The following SNX27 variants were observed in gnomAD, a reference collection of about 807,000 sequenced individuals.
SNX27 encodes the protein sorting nexin-27.
A neutral mutation model predicts 71.6 loss-of-function variants in SNX27; 22 were observed. That is an observed-to-expected ratio of 0.31 (90% CI 0.22 to 0.44). The LOEUF is 0.44. SNX27 is among the 20% of genes least tolerant of loss of function. The probability of loss-of-function intolerance (pLI) is 1.00; values close to 1 mark genes in which losing one functional copy is unlikely to be tolerated. For missense variants in SNX27, 531 were observed against 698.6 expected (o/e 0.76, Z 2.70); for synonymous variants, 269 against 277.2 (o/e 0.97, Z 0.29).
At chr1:151,635,729 AC>A (rs1265655864) in intron 1 of SNX27, among the ~76,000 whole-genome samples, 1 of 152,158 alleles carries the variant, frequency 6.6e-6, no homozygotes, top group Admixed American at 6.6e-5. Context: ...CTATAGTTGA[AC>A]CAGATAAATA....
intron 5 of SNX27, among the ~76,000 whole-genome samples, chr1:151,663,126 TA>T (rs1457503693): frequency 6.6e-6 from 1 of 152,004 alleles, no homozygotes; most frequent in African/African-American, 2.4e-5. Flanking sequence ...AATCTGAATC[TA>T]AACAAGGTCC....
In SNX27 at chr1:151,623,308, T is replaced by A. The variant is rs183995227; in HGVS notation, c.311+10796T>A. Among the ~76,000 whole-genome samples the A allele has an allele frequency of 2.6e-3, 401 of 152,268 alleles. 2 individuals carry two copies. The highest frequency in any genetic ancestry group is 9.5e-3 in the African/African-American group (393 of 41,564). On this transcript the variant is annotated intron_variant, in intron 1 of 11. Coordinates refer to ENST00000458013, the MANE Select transcript of SNX27 (RefSeq NM_001330723.2). ...GGTGCGGGCCACCATACTTGGCTAA[T>A]TTTTTGTATTTTTAGTAGAGACGGG...
rs374312634 is a variant in SNX27, at chr1:151,660,924, T to G, written c.801+62T>G. The G allele has an allele frequency of 4.0e-6, 5 of 1,257,426 alleles. No individual in the cohort carries two copies. The African/African-American group carries it at 5.9e-5, about 15-fold the overall frequency. 77.9% of individuals were successfully genotyped at this position (1,257,426 alleles called of 1,614,324 possible). ...TGGCTCCTTGTGGGGGAAAATAAGT[T>G]AAAGGTATTGATTATGCATTAAATT... On this transcript the variant is annotated intron_variant, in intron 4 of 11. Transcript: ENST00000458013.
At chr1:151,692,676 A>G (rs1011980230) in intron 9 of SNX27, 92 bp downstream of exon 9, 12 of 1,536,510 alleles carry the variant, frequency 7.8e-6, no homozygotes, top group Non-Finnish European at 1.1e-5. Context: ...TTAGGGGGAA[A>G]TGAAATCAAA....
chr1:151,637,048 A>G (rs995009179), intron 1 of SNX27, among the ~76,000 whole-genome samples: 9 of 152,132 alleles, frequency 5.9e-5, no homozygotes, highest in African/African-American at 1.9e-4. Context: ...GTCAAGACCA[A>G]TTCTGGTACT....
intron 8 of SNX27, among the ~76,000 whole-genome samples, chr1:151,687,959 AAC>A (rs1410304411): frequency 3.7e-5 from 5 of 136,320 alleles, no homozygotes; most frequent in Non-Finnish European, 7.9e-5. Context: ...AAAAAAAAAA[AAC>A]AACGAAAAAC....
intron 7 of SNX27, chr1:151,675,835 T>C (rs1670671350): frequency 8.8e-6 from 1 of 113,292 alleles, no homozygotes; most frequent in Non-Finnish European, 1.8e-5. Flanking sequence ...TTTTTTTTTT[T>C]TTTTTTTTTT....
At chr1:151,664,896 T>C (rs1670119857) in intron 5 of SNX27, among the ~76,000 whole-genome samples, 1 of 152,174 alleles carries the variant, frequency 6.6e-6, no homozygotes, top group African/African-American at 2.4e-5. Context: ...CTGAGACTTC[T>C]AGCTATAAAC....
intron 1 of SNX27, among the ~76,000 whole-genome samples, chr1:151,630,043 G>A (rs1407949915): frequency 1.3e-5 from 2 of 150,866 alleles, no homozygotes; most frequent in South Asian, 2.1e-4. Context: ...CCCGGGAGGC[G>A]AAGGTTGTAG....
intron 1 of SNX27, among the ~76,000 whole-genome samples, chr1:151,628,659 C>T (rs968830968): frequency 6.6e-6 from 1 of 152,082 alleles, no homozygotes; most frequent in Non-Finnish European, 1.5e-5. Context: ...TTGGTATTAC[C>T]AGGTTTTTTG....
intron 1 of SNX27, among the ~76,000 whole-genome samples, chr1:151,616,491 A>G (rs1010730436): frequency 6.6e-6 from 1 of 152,206 alleles, no homozygotes; most frequent in Admixed American, 6.5e-5. Context: ...ACTTTCCCTC[A>G]TTAAAGTCAT....
At chr1:151,668,412 T>G in intron 6 of SNX27, 60 bp from the exon 7 acceptor site, 1 of 1,490,856 alleles carries the variant, frequency 6.7e-7, no homozygotes, top group Non-Finnish European at 9.1e-7. Context: ...ACATAGTTTA[T>G]ACTAGGGAAG....
chr1:151,622,433 G>A (rs1481095850), intron 1 of SNX27, among the ~76,000 whole-genome samples: 8 of 152,166 alleles, frequency 5.3e-5, no homozygotes, highest in African/African-American at 1.9e-4. Context: ...ATTACATTAT[G>A]TAGTAATTCA....
intron 8 of SNX27, among the ~76,000 whole-genome samples, chr1:151,689,968 C>A (rs1376287238): frequency 1.3e-5 from 2 of 152,060 alleles, no homozygotes; most frequent in Non-Finnish European, 2.9e-5. Context: ...TCTGCCTCAG[C>A]CTCTCATGTA....
intron 2 of SNX27, among the ~76,000 whole-genome samples, chr1:151,640,385 A>G (rs939868654): frequency 2.0e-5 from 3 of 152,048 alleles, no homozygotes; most frequent in Admixed American, 6.6e-5. Flanking sequence ...TTTTTATTAT[A>G]TATATTTTTT....
At chr1:151,633,939 C>A (rs1327832892) in intron 1 of SNX27, among the ~76,000 whole-genome samples, 2 of 149,432 alleles carry the variant, frequency 1.3e-5, no homozygotes, top group East Asian at 1.9e-4. Flanking sequence ...GGTGGACATT[C>A]AACTACAGTT....
chr1:151,622,582 A>G (rs1161749885), intron 1 of SNX27, among the ~76,000 whole-genome samples: 2 of 152,224 alleles, frequency 1.3e-5, no homozygotes, highest in African/African-American at 4.8e-5. Context: ...CAGTATACCA[A>G]GTTAAAATCA....
At chr1:151,668,217 A>G (rs902364431) in intron 6 of SNX27, among the ~76,000 whole-genome samples, 10 of 152,188 alleles carry the variant, frequency 6.6e-5, no homozygotes, top group Admixed American at 4.6e-4. Flanking sequence ...CAAATATCCA[A>G]ACCACGGCAC....
At chr1:151,673,705 G>A (rs1376491774) in intron 7 of SNX27, among the ~76,000 whole-genome samples, 1 of 152,064 alleles carries the variant, frequency 6.6e-6, no homozygotes, top group African/African-American at 2.4e-5. Context: ...TTAAATATAT[G>A]TCAGGGTGCT....
Sources: gnomAD v4.1 joint callset for allele counts (sites outside exome capture counted in the v4.1 genomes callset) on GRCh38, gnomAD v4.1.1 for gene constraint, MANE v1.5 for transcripts, NCBI Gene and HGNC (gene_info 2026-07-23, HGNC 2026-07-21) for gene names.